SLC9D1: variants seen among roughly 807,000 people sequenced by gnomAD.
The protein encoded by SLC9D1 is solute carrier family 9 member D1.
the SLC9D1 span, among the ~76,000 whole-genome samples, chr13:113,543,621 G>A: frequency 5.0e-4 from 71 of 142,538 alleles, no homozygotes; most frequent in Non-Finnish European, 7.9e-4. Flanking sequence ...TCTTTTAGAC[G>A]AGGACTAATA....
At chr13:113,539,222 A>T in the SLC9D1 span, 2 of 795,212 alleles carry the variant, frequency 2.5e-6, no homozygotes, top group Non-Finnish European at 4.0e-6. The surrounding 1 kb of genome is among the most constrained non-coding windows in gnomAD (Gnocchi z 4.8). Flanking sequence ...CCAGGACCAG[A>T]CACACACACG....
chr13:113,529,278 G>A, the SLC9D1 span: 1 of 152,208 alleles, frequency 6.6e-6, no homozygotes, highest in Non-Finnish European at 1.5e-5. Flanking sequence ...CTGTAATGCT[G>A]TTAAACTTAA....
chr13:113,547,034 G>C, the SLC9D1 span: 1 of 464,168 alleles, frequency 2.2e-6, no homozygotes, highest in South Asian at 2.3e-5. Context: ...GTGTTTTGCT[G>C]TGTCCTCTGC....
chr13:113,510,286 ATTGCAT>A, the SLC9D1 span: 1 of 1,614,130 alleles, frequency 6.2e-7, no homozygotes, highest in Middle Eastern at 1.6e-4. Flanking sequence ...ACTGTTAATG[ATTGCAT>A]TTGGCTTGCT....
chr13:113,509,646 G>GA, the SLC9D1 span, among the ~76,000 whole-genome samples: 1 of 152,222 alleles, frequency 6.6e-6, no homozygotes, highest in African/African-American at 2.4e-5. Flanking sequence ...GCAGTGAGGA[G>GA]AAAAAAATAT....
chr13:113,548,496 C>T, the SLC9D1 span: 1 of 1,572,178 alleles, frequency 6.4e-7, no homozygotes, highest in African/African-American at 1.4e-5. Context: ...GCGGCACGGG[C>T]TGCACTCTGG....
the SLC9D1 span, chr13:113,530,441 AAT>A: frequency 6.6e-6 from 1 of 152,170 alleles, no homozygotes; most frequent in Non-Finnish European, 1.5e-5. Context: ...AGAGACTAGA[AAT>A]ATATATATGT....
the SLC9D1 span, among the ~76,000 whole-genome samples, chr13:113,521,158 C>T: frequency 1.3e-5 from 2 of 150,964 alleles, no homozygotes; most frequent in East Asian, 2.0e-4. Context: ...TGTGTGCTTA[C>T]GTGGTATGTG....
At chr13:113,511,156 TG>T in the SLC9D1 span, among the ~76,000 whole-genome samples, 5 of 120,052 alleles carry the variant, frequency 4.2e-5, no homozygotes, top group African/African-American at 1.9e-4. Flanking sequence ...CGGGGAGGCT[TG>T]GCAGGTGGCT....
chr13:113,529,128 C>T, the SLC9D1 span: 4 of 152,212 alleles, frequency 2.6e-5, no homozygotes, highest in African/African-American at 7.2e-5. Flanking sequence ...TTGTCTTAAT[C>T]AGAACACTTT....
chr13:113,540,907 G>A, the SLC9D1 span, among the ~76,000 whole-genome samples: 21 of 152,166 alleles, frequency 1.4e-4, no homozygotes, highest in Non-Finnish European at 2.8e-4. Context: ...GTCAGGAGGG[G>A]GTCCGGTTTC....
chr13:113,539,632 G>A, the SLC9D1 span: 2 of 1,056,514 alleles, frequency 1.9e-6, no homozygotes, highest in East Asian at 2.6e-5. The surrounding 1 kb of genome is among the most constrained non-coding windows in gnomAD (Gnocchi z 4.8). Context: ...AGTGTATTCA[G>A]CATATTTCAA....
At chr13:113,522,080 T>G in the SLC9D1 span, among the ~76,000 whole-genome samples, 1 of 152,222 alleles carries the variant, frequency 6.6e-6, no homozygotes, top group Non-Finnish European at 1.5e-5. Flanking sequence ...CTTGCCTTAT[T>G]GCACTGGCTG....
At chr13:113,502,205 TTTGTTG>T in the SLC9D1 span, among the ~76,000 whole-genome samples, 68 of 152,054 alleles carry the variant, frequency 4.5e-4, no homozygotes, top group Admixed American at 9.8e-4. Flanking sequence ...ATTAACCGTT[TTTGTTG>T]TTGTTGTTGT....
the SLC9D1 span, among the ~76,000 whole-genome samples, chr13:113,532,835 C>A: frequency 8.6e-6 from 1 of 116,950 alleles, no homozygotes; most frequent in Non-Finnish European, 1.8e-5. Context: ...CTGCCTCCCT[C>A]CTGAAGTCGC....
chr13:113,530,919 G>C, the SLC9D1 span, among the ~76,000 whole-genome samples: 1 of 152,170 alleles, frequency 6.6e-6, no homozygotes, highest in Non-Finnish European at 1.5e-5. Context: ...ACCAAAGAAG[G>C]GTGATGGCAC....
the SLC9D1 span, among the ~76,000 whole-genome samples, chr13:113,537,900 C>CGTGCAT: frequency 6.6e-6 from 1 of 151,962 alleles, no homozygotes; most frequent in Non-Finnish European, 1.5e-5. Context: ...TGTGTGTGTG[C>CGTGCAT]GTGCATGTGC....
At chr13:113,546,863 G>A in the SLC9D1 span, among the ~76,000 whole-genome samples, 2,172 of 152,282 alleles carry the variant, frequency 0.014, 52 homozygotes, top group African/African-American at 0.049. This position sits in a 1 kb window ranked among gnomAD's most constrained non-coding sequence, Gnocchi z 7.1. Context: ...TTAAAAATGT[G>A]TGAGCCAAAT....
the SLC9D1 span, chr13:113,511,749 G>A: frequency 6.6e-6 from 1 of 152,460 alleles, no homozygotes; most frequent in Non-Finnish European, 1.5e-5. Context: ...CATGAAAACA[G>A]CTCCTAGTTT....
Sources: gnomAD v4.1 joint callset for allele counts (sites outside exome capture counted in the v4.1 genomes callset) on GRCh38, gnomAD v4.1.1 for gene constraint, Gnocchi (gnomAD v3.1) non-coding constraint, MANE v1.5 for transcripts, NCBI Gene and HGNC (gene_info 2026-07-23, HGNC 2026-07-21) for gene names.